Variants in DOCK1 observed in about 807,000 individuals in gnomAD.
The protein encoded by DOCK1 is dedicator of cytokinesis 1.
Under a neutral mutation model 262.7 loss-of-function variants are expected in DOCK1, and 138 were observed. The ratio of observed to expected loss-of-function variants is 0.53; its 90% CI spans 0.46 to 0.61. The LOEUF is 0.61. Among genes scored for constraint, DOCK1 ranks in the 20% least tolerant of loss-of-function variants. DOCK1 has a pLI of 0.00. For synonymous variants in DOCK1, 866 were observed against 867.4 expected (o/e 1.00, Z 0.03); for missense variants, 1,908 against 2,370.7 (o/e 0.80, Z 4.05).
intron 44 of DOCK1, among the ~76,000 whole-genome samples, chr10:127,418,147 C>G (rs1437261856): frequency 6.6e-6 from 1 of 151,798 alleles, no homozygotes; most frequent in African/African-American, 2.4e-5. Flanking sequence ...ACAGCCCCGC[C>G]CCCAGAGCTG....
chr10:127,215,424 C>T (rs79973637), intron 27 of DOCK1, among the ~76,000 whole-genome samples: 2,758 of 152,248 alleles, frequency 0.018, 91 homozygotes, highest in African/African-American at 0.063. Flanking sequence ...TGTTACTTGG[C>T]GCCAAGCATG....
At chr10:127,187,175 A>T (rs990779437) in intron 27 of DOCK1, among the ~76,000 whole-genome samples, 9 of 152,212 alleles carry the variant, frequency 5.9e-5, no homozygotes, top group African/African-American at 1.7e-4. Flanking sequence ...TGTTAAACTC[A>T]ATGAAGAGTC....
intron 22 of DOCK1, among the ~76,000 whole-genome samples, chr10:127,053,603 CA>C (rs1200921897): frequency 6.6e-6 from 1 of 151,972 alleles, no homozygotes; most frequent in Non-Finnish European, 1.5e-5. Context: ...TAAAGGGGAA[CA>C]AAAAATGTAT....
At chr10:126,947,439 TTGGTGG>T (rs1279088053) in intron 1 of DOCK1, among the ~76,000 whole-genome samples, 2 of 85,520 alleles carry the variant, frequency 2.3e-5, no homozygotes, top group African/African-American at 9.3e-5. Flanking sequence ...AGTATTACTG[TTGGTGG>T]TGGTGGTGGT....
intron 27 of DOCK1, among the ~76,000 whole-genome samples, chr10:127,237,635 A>C (rs970302564): frequency 1.3e-5 from 2 of 152,160 alleles, no homozygotes; most frequent in Admixed American, 6.5e-5. Context: ...TTTCTGAGTG[A>C]TTATTCCTGC....
At chr10:127,059,473 C>T (rs935758612) in intron 22 of DOCK1, among the ~76,000 whole-genome samples, 5 of 152,244 alleles carry the variant, frequency 3.3e-5, no homozygotes, top group African/African-American at 1.2e-4. Flanking sequence ...ACATTCCTAG[C>T]CCTCTTCTGT....
At position 127,335,252 on chromosome 10, in the gene DOCK1, C is replaced by G. The variant is rs932753304; in HGVS notation, c.3045-3754C>G. Among the ~76,000 whole-genome samples, 10 of 152,174 alleles carry G rather than the reference C, an allele frequency of 6.6e-5. 1 individual carries two copies. Among genetic ancestry groups the G allele is most frequent in the Admixed American group, 2.0e-4 (3 of 15,286 alleles). ...CTGGAGGGCTTCTCTTACCTAAACC[C>G]AACTCCAGCAGTGTCCAGCACAGAT... On this transcript the variant is annotated intron_variant, in intron 29 of 51. Coordinates refer to ENST00000623213, the MANE Select transcript of DOCK1 (RefSeq NM_001290223.2).
chr10:127,267,655 T>A (rs1374907973), intron 29 of DOCK1, among the ~76,000 whole-genome samples: 1 of 152,240 alleles, frequency 6.6e-6, no homozygotes, highest in Non-Finnish European at 1.5e-5. Context: ...CTGGTACTGA[T>A]GCCGCATCCC....
intron 38 of DOCK1, among the ~76,000 whole-genome samples, chr10:127,399,601 C>A (rs952629591): frequency 7.2e-5 from 11 of 152,090 alleles, no homozygotes; most frequent in African/African-American, 2.7e-4. Context: ...CTTTTAAAAA[C>A]AATTACTTTT....
intron 4 of DOCK1, 21 bp from the exon 5 acceptor site, chr10:126,987,500 T>C: frequency 1.3e-6 from 2 of 1,562,296 alleles, no homozygotes; most frequent in Non-Finnish European, 8.7e-7. Context: ...ACTCAGCTGC[T>C]CTTTCCTTCT....
intron 51 of DOCK1, among the ~76,000 whole-genome samples, chr10:127,449,932 T>C (rs1306531363): frequency 6.6e-6 from 1 of 152,174 alleles, no homozygotes; most frequent in Non-Finnish European, 1.5e-5. Context: ...GACATGCTCA[T>C]ACTTGGCATA....
intron 1 of DOCK1, among the ~76,000 whole-genome samples, chr10:126,965,758 TTGAGA>T (rs1280906086): frequency 6.6e-6 from 1 of 152,188 alleles, no homozygotes; most frequent in Non-Finnish European, 1.5e-5. Context: ...TCTGCATCAG[TTGAGA>T]TGATATAATA....
chr10:127,342,174 G>C (rs913413736), intron 30 of DOCK1, among the ~76,000 whole-genome samples: 3 of 152,132 alleles, frequency 2.0e-5, no homozygotes, highest in African/African-American at 7.2e-5. Flanking sequence ...GCAGGCATGG[G>C]TCCTATTCTG....
chr10:127,002,929 C>T (rs917214879), intron 10 of DOCK1, among the ~76,000 whole-genome samples: 10 of 152,258 alleles, frequency 6.6e-5, no homozygotes, highest in Middle Eastern at 3.2e-3. Flanking sequence ...TCGTCTTGCT[C>T]GTGAATTTTC....
chr10:126,971,422 C>T (rs78526511), intron 2 of DOCK1, among the ~76,000 whole-genome samples: 6,857 of 152,080 alleles, frequency 0.045, 198 homozygotes, highest in Middle Eastern at 0.11. Flanking sequence ...TAGTTTACTT[C>T]GTTGTTTTGA....
At chr10:127,290,537 C>T (rs918871534) in intron 29 of DOCK1, among the ~76,000 whole-genome samples, 3 of 152,176 alleles carry the variant, frequency 2.0e-5, no homozygotes. Context: ...TAATATATCA[C>T]AACCAAGAAC....
At chr10:127,327,125 T>C (rs2062778748) in intron 29 of DOCK1, among the ~76,000 whole-genome samples, 1 of 152,216 alleles carries the variant, frequency 6.6e-6, no homozygotes, top group African/African-American at 2.4e-5. Flanking sequence ...GAATAACAAA[T>C]AAGCATTGGC....
rs56041181 is a variant in DOCK1, at chr10:127,190,665, TCCCCCCCC to T, written c.2848-57332_2848-57325del. ...CAAATATTTAATAGAAATCCTATCT[TCCCCCCCC>T]CCCCCCCCCCGTTCCTGCTGGCTCC... On this transcript the variant is annotated intron_variant, in intron 27 of 51. Coordinates refer to ENST00000623213, the MANE Select transcript of DOCK1 (RefSeq NM_001290223.2). Among the ~76,000 whole-genome samples the T allele has an allele frequency of 1.8e-3, 75 of 41,814 alleles. 4 individuals are homozygous for T. The highest frequency in any genetic ancestry group is 0.015 in the Middle Eastern group (1 of 66). The allele number at this position is 41,814 out of a possible 152,430, so 27.4% of individuals were successfully genotyped here. A position where few individuals can be genotyped will look rare whatever the true frequency, so the allele number is the denominator to read the frequency against.
intron 27 of DOCK1, among the ~76,000 whole-genome samples, chr10:127,201,563 A>G (rs1403838556): frequency 1.3e-5 from 2 of 152,204 alleles, no homozygotes; most frequent in South Asian, 2.1e-4. Context: ...CAGAAATGGA[A>G]GGTTTTCCTT....
Sources: allele counts gnomAD v4.1 joint callset (sites outside exome capture counted in the v4.1 genomes callset), GRCh38; gene constraint gnomAD v4.1.1; transcripts MANE v1.5; gene names NCBI Gene and HGNC (gene_info 2026-07-23, HGNC 2026-07-21).